The following CNTNAP2 variants were observed in gnomAD, a reference collection of about 807,000 sequenced individuals.
CNTNAP2 encodes contactin associated protein 2.
In CNTNAP2, 98 loss-of-function variants were observed where a neutral mutation model predicts 155.2. The ratio of observed to expected loss-of-function variants is 0.63; its 90% confidence interval spans 0.54 to 0.75. The LOEUF (loss-of-function observed/expected upper bound fraction) is 0.75. CNTNAP2 is among the 30% of genes least tolerant of loss of function. CNTNAP2 has a pLI of 0.00. For missense variants in CNTNAP2, 1,727 were observed against 1,688.1 expected (o/e 1.02, Z -0.40); for synonymous variants, 651 against 631.2 (o/e 1.03, Z -0.47).
intron 9 of CNTNAP2, among the ~76,000 whole-genome samples, chr7:147,327,171 A>G (rs1463358578): frequency 1.3e-5 from 2 of 152,198 alleles, no homozygotes; most frequent in Non-Finnish European, 2.9e-5. Context: ...CAACAGAAAT[A>G]TTCATTGGCT....
chr7:146,598,118 C>T (rs890630439), intron 1 of CNTNAP2, among the ~76,000 whole-genome samples: 1 of 152,054 alleles, frequency 6.6e-6, no homozygotes, highest in Non-Finnish European at 1.5e-5. Context: ...TGGAGAAAAA[C>T]ATGCAACTTT....
chr7:147,136,380 C>T (rs571478011), intron 8 of CNTNAP2, among the ~76,000 whole-genome samples: 7 of 152,044 alleles, frequency 4.6e-5, no homozygotes, highest in Admixed American at 2.0e-4. Flanking sequence ...TGTTCAGTGT[C>T]CACACTGTCT....
chr7:147,177,304 C>T (rs1052578000), intron 8 of CNTNAP2, among the ~76,000 whole-genome samples: 10 of 152,092 alleles, frequency 6.6e-5, no homozygotes, highest in African/African-American at 1.2e-4. Flanking sequence ...ATGATGGGAG[C>T]GGTTTCCCCC....
intron 14 of CNTNAP2, among the ~76,000 whole-genome samples, chr7:147,908,376 T>C (rs575409479): frequency 8.5e-4 from 130 of 152,294 alleles, no homozygotes; most frequent in African/African-American, 3.1e-3. Flanking sequence ...TTCTCTCACT[T>C]CTCACAAAGC....
At chr7:146,583,457 G>A (rs561472718) in intron 1 of CNTNAP2, among the ~76,000 whole-genome samples, 1 of 152,262 alleles carries the variant, frequency 6.6e-6, no homozygotes, top group African/African-American at 2.4e-5. Flanking sequence ...TCTGAAGGGA[G>A]AAGGAAGGCA....
chr7:147,136,046 T>C (rs771158920), intron 8 of CNTNAP2, among the ~76,000 whole-genome samples: 2 of 151,812 alleles, frequency 1.3e-5, no homozygotes, highest in Non-Finnish European at 2.9e-5. Flanking sequence ...AAACCTACCT[T>C]TTGAAGTAAG....
rs1367116224 is a variant in CNTNAP2 at position 146,646,473 on chromosome 7, CAT to C, written c.98-127794_98-127793del. ...AATATATAGTAACAGTAATGTATAA[CAT>C]ATAAGCTGTAAATTACATAACATAA... On this transcript the variant is annotated intron_variant, in intron 1 of 23. Transcript: ENST00000361727. 2.0e-5 allele frequency among the ~76,000 whole-genome samples: 3 copies of C among 152,120 alleles called. No homozygotes were observed. The South Asian group carries it at 6.2e-4, about 32-fold the overall frequency.
intron 8 of CNTNAP2, among the ~76,000 whole-genome samples, chr7:147,266,201 T>C (rs1282059990): frequency 6.6e-6 from 1 of 152,152 alleles, no homozygotes; most frequent in Non-Finnish European, 1.5e-5. Context: ...TAAAGAAGCA[T>C]GTTCTAACCC....
At chr7:147,123,924 C>T (rs1007380295) in intron 6 of CNTNAP2, among the ~76,000 whole-genome samples, 1 of 152,144 alleles carries the variant, frequency 6.6e-6, no homozygotes, top group South Asian at 2.1e-4. Context: ...CATCTGTAAT[C>T]CCAGCTACTT....
chr7:147,791,537 G>A (rs191029955), intron 13 of CNTNAP2, among the ~76,000 whole-genome samples: 68 of 151,220 alleles, frequency 4.5e-4, no homozygotes, highest in African/African-American at 1.6e-3. Flanking sequence ...ACTGAATAAG[G>A]GAACTAATTC....
chr7:147,832,890 T>C (rs975705608), intron 13 of CNTNAP2, among the ~76,000 whole-genome samples: 2 of 149,076 alleles, frequency 1.3e-5, no homozygotes, highest in African/African-American at 4.9e-5. Flanking sequence ...CAGAATTATA[T>C]GTAATTAGGC....
At chr7:147,079,387 C>A (rs944674424) in intron 4 of CNTNAP2, among the ~76,000 whole-genome samples, 1 of 151,998 alleles carries the variant, frequency 6.6e-6, no homozygotes. Context: ...GTGGGACATG[C>A]AGTTTGGGAT....
intron 9 of CNTNAP2, among the ~76,000 whole-genome samples, chr7:147,390,640 A>C (rs1343577215): frequency 2.6e-5 from 4 of 151,972 alleles, no homozygotes; most frequent in African/African-American, 9.7e-5. Flanking sequence ...CATGGCTTTT[A>C]GGCTGGCTTC....
intron 1 of CNTNAP2, among the ~76,000 whole-genome samples, chr7:146,722,785 G>A (rs344467): frequency 0.035 from 5,274 of 152,110 alleles, 111 homozygotes; most frequent in Middle Eastern, 0.061. Context: ...GGGAGGCCGA[G>A]GCGGATGGAT....
chr7:147,145,275 G>T (rs1004160598), intron 8 of CNTNAP2, among the ~76,000 whole-genome samples: 1 of 152,118 alleles, frequency 6.6e-6, no homozygotes, highest in African/African-American at 2.4e-5. Flanking sequence ...TCAGCTAGGA[G>T]TGATTTTGAC....
intron 10 of CNTNAP2, among the ~76,000 whole-genome samples, chr7:147,395,999 CATATATAGCATATATATGCTATATATGAG>C (rs1796807099): frequency 1.4e-5 from 2 of 147,972 alleles, no homozygotes; most frequent in South Asian, 4.2e-4. Flanking sequence ...TCATGTATAT[CATATATAGCATATATATGCTATATATGAG>C]ATATATCCTA....
chr7:147,088,498 T>C (rs1800327980), intron 4 of CNTNAP2, among the ~76,000 whole-genome samples: 2 of 152,216 alleles, frequency 1.3e-5, no homozygotes, highest in Admixed American at 6.5e-5. Flanking sequence ...TAAAACTATA[T>C]TATTTACAAG....
At chr7:146,917,726 C>T (rs2129219001) in intron 3 of CNTNAP2, among the ~76,000 whole-genome samples, 1 of 152,214 alleles carries the variant, frequency 6.6e-6, no homozygotes, top group Admixed American at 6.5e-5. Context: ...TTAAGTCTCA[C>T]AAGATCTGAC....
chr7:147,910,559 G>A (rs1418587469), intron 14 of CNTNAP2, among the ~76,000 whole-genome samples: 6 of 152,118 alleles, frequency 3.9e-5, no homozygotes, highest in East Asian at 3.9e-4. Context: ...AGAGACACCC[G>A]AGACTGGGTA....
Sources: gnomAD v4.1 joint callset for allele counts (sites outside exome capture counted in the v4.1 genomes callset) on GRCh38, gnomAD v4.1.1 for gene constraint, MANE v1.5 for transcripts, NCBI Gene and HGNC (gene_info 2026-07-23, HGNC 2026-07-21) for gene names.